Variants in CCDC93 observed in about 807,000 individuals in gnomAD.
CCDC93 encodes coiled-coil domain-containing protein 93.
CCDC93 carries 61 observed loss-of-function variants against 108.2 expected under a neutral mutation model. That is an observed-to-expected ratio of 0.56 (90% CI 0.46 to 0.70). The LOEUF (loss-of-function observed/expected upper bound fraction) is 0.70, where lower values mean the gene tolerates loss of function less well. Ranked by LOEUF, CCDC93 falls within the 30% of genes least tolerant of loss-of-function variation. The pLI is 0.00. For synonymous variants in CCDC93, 276 were observed against 260.4 expected, an observed-to-expected ratio of 1.06 and a Z score of -0.58; for missense variants, 685 against 764.2, an observed-to-expected ratio of 0.90 and a Z score of 1.22.
At chr2:117,950,027 C>A (rs545581192) in intron 13 of CCDC93, 2 of 985,392 alleles carry the variant, frequency 2.0e-6, no homozygotes, top group East Asian at 2.3e-4. Context: ...AGAGGCAGGG[C>A]GGGGTCCCAC....
chr2:117,922,927 C>G (rs76123292), intron 23 of CCDC93, among the ~76,000 whole-genome samples: 1 of 151,992 alleles, frequency 6.6e-6, no homozygotes, highest in East Asian at 1.9e-4. Context: ...CCCAAATTAC[C>G]TCAAAAGAGC....
rs1680827835 is a variant in CCDC93, at chr2:118,000,894, A to G, written c.290T>C (p.Met97Thr). ...SEKIVSVLPR[M>T]KCPHQLEPHQ... Reference sequence around the variant, plus strand: ...GGGCTCCAGCTGGTGTGGGCATTTCATCCTTGGCAGGACCGAGACAATTTT... The same window carrying G: ...GGGCTCCAGCTGGTGTGGGCATTTCGTCCTTGGCAGGACCGAGACAATTTT... Residue 97 changes from methionine to threonine, a missense_variant, in exon 4 of 24, where the codon ATG becomes ACG. By Grantham distance (81) the Met-to-Thr change is moderately conservative (BLOSUM62 -1). Transcript: ENST00000376300. The G allele has an allele frequency of 6.2e-7, 1 of 1,613,742 alleles. No homozygotes were observed. Among genetic ancestry groups the G allele is most frequent in the Admixed American group, 1.7e-5 (1 of 59,992 alleles).
chr2:117,985,421 C>T (rs147947680), intron 7 of CCDC93: 276 of 963,242 alleles, frequency 2.9e-4, no homozygotes, highest in Non-Finnish European at 3.3e-4. Flanking sequence ...GAAGAGAATG[C>T]GTGACATAAA....
In CCDC93 at chr2:117,974,007, G is replaced by A. The variant is rs1398250141; in HGVS notation, c.802-13C>T. 3 of 1,577,528 alleles carry A rather than the reference G, an allele frequency of 1.9e-6. No individual in the cohort carries two copies. The highest frequency in any genetic ancestry group is 2.3e-5 in the East Asian group (1 of 44,252). On this transcript the variant is annotated splice_polypyrimidine_tract_variant and intron_variant, in intron 10 of 23. Coordinates refer to ENST00000376300, the MANE Select transcript of CCDC93 (RefSeq NM_019044.5). ...CGGTGAGACGGCTCTGCAAGTATAT[G>A]GAGGGAATGTTCTCAAGGCCAAGCC...
chr2:117,974,234 G>C (rs1368467165), intron 10 of CCDC93, among the ~76,000 whole-genome samples: 2 of 152,190 alleles, frequency 1.3e-5, no homozygotes, highest in Non-Finnish European at 2.9e-5. Context: ...CGGACCCTGG[G>C]CACCCCTGGA....
intron 23 of CCDC93, among the ~76,000 whole-genome samples, chr2:117,927,986 C>T (rs1678181172): frequency 6.6e-6 from 1 of 152,062 alleles, no homozygotes; most frequent in South Asian, 2.1e-4. Context: ...CTTTGACAAA[C>T]CTGACAAAAA....
chr2:117,958,476 A>G lies in CCDC93; in HGVS notation c.894T>C (p.Ser298=), dbSNP rs530935557. 23 of 1,587,222 alleles carry G rather than the reference A, an allele frequency of 1.4e-5. No individual in the cohort carries two copies. The South Asian group carries it at 2.3e-4, about 16-fold the overall frequency. Residue 298 remains serine, a synonymous_variant, in exon 12 of 24, where the codon TCT becomes TCC. Coordinates refer to ENST00000376300, the MANE Select transcript of CCDC93 (RefSeq NM_019044.5). ...CTGGACTTTCTTCAGCTGATAGCTC[A>G]GACTGCTGTGGAAAAAAGGGATGGC... ...QIVSEYAEKQ[S]ELSAEESPEK...
chr2:117,954,770 C>T (rs1679164542), intron 12 of CCDC93, among the ~76,000 whole-genome samples: 2 of 152,180 alleles, frequency 1.3e-5, no homozygotes, highest in African/African-American at 2.4e-5. Flanking sequence ...ATAATCCCCA[C>T]GTGTCGTGGG....
chr2:117,995,348 G>T, intron 6 of CCDC93, 98 bp downstream of exon 6: 1 of 951,266 alleles, frequency 1.1e-6, no homozygotes, highest in Non-Finnish European at 1.7e-6. Context: ...AGCGATCCCC[G>T]TAGATGGAAG....
intron 11 of CCDC93, among the ~76,000 whole-genome samples, chr2:117,964,654 A>G (rs1055559109): frequency 3.3e-5 from 5 of 152,114 alleles, no homozygotes; most frequent in African/African-American, 1.2e-4. Flanking sequence ...GCTGGAATGC[A>G]GTGGCATGAT....
chr2:117,984,648 TG>T (rs1296926030), intron 7 of CCDC93, among the ~76,000 whole-genome samples: 1 of 152,172 alleles, frequency 6.6e-6, no homozygotes, highest in African/African-American at 2.4e-5. Context: ...TCCATGATGA[TG>T]GAAAAATGGA....
chr2:117,992,671 C>A (rs1472680044), intron 6 of CCDC93, among the ~76,000 whole-genome samples: 1 of 152,004 alleles, frequency 6.6e-6, no homozygotes, highest in South Asian at 2.1e-4. Context: ...TGACACTGGG[C>A]AACTGATATA....
intron 1 of CCDC93, among the ~76,000 whole-genome samples, chr2:118,009,347 G>GT: frequency 6.6e-6 from 1 of 152,078 alleles, no homozygotes; most frequent in Admixed American, 6.5e-5. Context: ...CTCCAGCCTG[G>GT]ACGACAGAGC....
chr2:117,939,516 A>G (rs1678631302), intron 19 of CCDC93, among the ~76,000 whole-genome samples: 1 of 152,224 alleles, frequency 6.6e-6, no homozygotes, highest in South Asian at 2.1e-4. Context: ...AACCTGTGTG[A>G]AATTTGTTCT....
intron 11 of CCDC93, among the ~76,000 whole-genome samples, chr2:117,964,651 T>G (rs1394542628): frequency 6.6e-6 from 1 of 152,144 alleles, no homozygotes; most frequent in Non-Finnish European, 1.5e-5. Flanking sequence ...CAGGCTGGAA[T>G]GCAGTGGCAT....
chr2:117,918,676 G>C lies in CCDC93; in HGVS notation c.*1667C>G, dbSNP rs1359697275. Reference sequence around the variant, plus strand: ...CTTCTGTCTCCTTCCCCTGCCCTCAGAGTGCCACCTGTTCTTTTGCAATTA... The same window carrying C: ...CTTCTGTCTCCTTCCCCTGCCCTCACAGTGCCACCTGTTCTTTTGCAATTA... On this transcript the variant is annotated 3_prime_UTR_variant, in exon 24 of 24. Transcript: ENST00000376300. 6.6e-6 allele frequency: 1 copy of C among 152,240 alleles called. No individual in the cohort carries two copies. The highest frequency in any genetic ancestry group is 1.5e-5 in the Non-Finnish European group (1 of 68,060). 9.4% of individuals were successfully genotyped at this position (152,240 alleles called of 1,614,324 possible).
chr2:117,981,434 G>A (rs1308678475), intron 7 of CCDC93, among the ~76,000 whole-genome samples: 2 of 152,152 alleles, frequency 1.3e-5, no homozygotes, highest in Admixed American at 6.5e-5. Flanking sequence ...TCCCCCAAGT[G>A]ACAGCTCTGA....
Position 117,974,915 on chromosome 2 carries a change from G to T in CCDC93, c.751-15C>A, listed in dbSNP as rs767059212. Reference sequence around the variant, plus strand: ...TGAATACGCTGCTGAAAGAGGAATGGAAGGGAGCAGCAGTGAGTGGTTCTG... The same window carrying T: ...TGAATACGCTGCTGAAAGAGGAATGTAAGGGAGCAGCAGTGAGTGGTTCTG... On this transcript the variant is annotated splice_polypyrimidine_tract_variant and intron_variant, in intron 9 of 23. Coordinates refer to ENST00000376300, the MANE Select transcript of CCDC93 (RefSeq NM_019044.5). 1.8e-5 allele frequency: 28 copies of T among 1,558,024 alleles called. No homozygotes were observed. Among genetic ancestry groups the T allele is most frequent in the Non-Finnish European group, 2.2e-5 (25 of 1,149,942 alleles).
At chr2:117,986,622 T>C (rs914935848) in intron 6 of CCDC93, among the ~76,000 whole-genome samples, 4 of 152,224 alleles carry the variant, frequency 2.6e-5, no homozygotes, top group Non-Finnish European at 5.9e-5. Context: ...TTTATTTTAA[T>C]TGGAATTGTT....
Sources: gnomAD v4.1 joint callset for allele counts (sites outside exome capture counted in the v4.1 genomes callset) on GRCh38, gnomAD v4.1.1 for gene constraint, MANE v1.5 for transcripts, NCBI Gene and HGNC (gene_info 2026-07-23, HGNC 2026-07-21) for gene names.